The following FLNA variants were observed in gnomAD, a reference collection of about 807,000 sequenced individuals.
The protein encoded by FLNA is filamin A, also known as filamin-A.
In FLNA, 7 loss-of-function variants were observed where a neutral mutation model predicts 157.6. The observed-to-expected ratio is 0.04, with a 90% CI of 0.03 to 0.08. FLNA has a LOEUF of 0.08. Ranked by LOEUF, FLNA falls within the 10% of genes least tolerant of loss-of-function variation. The pLI, the probability that FLNA is intolerant of heterozygous loss-of-function variation, is 1.00. For missense variants in FLNA, 1,750 were observed against 2,398.4 expected (o/e 0.73, Z 5.65); for synonymous variants, 1,103 against 1,060.8 (o/e 1.04, Z -0.77).
chrX:154,357,173 G>A (rs1215385633), intron 30 of FLNA, 78 bp downstream of exon 30: 2 of 990,979 alleles, frequency 2.0e-6, no homozygotes, highest in East Asian at 6.1e-5. Context: ...AACTGTCCTG[G>A]GAATCGGCCC....
intron 14 of FLNA, 31 bp downstream of exon 14, chrX:154,364,228 G>A (rs782193958): frequency 4.1e-6 from 5 of 1,207,784 alleles, no homozygotes; most frequent in Non-Finnish European, 5.6e-6. Flanking sequence ...GCCCACACCT[G>A]CCCTGCCCCC....
At chrX:154,370,406 A>T (rs1230590034) in intron 2 of FLNA, among the ~76,000 whole-genome samples, 1 of 112,259 alleles carries the variant, frequency 8.9e-6, no homozygotes, top group Non-Finnish European at 1.9e-5. Context: ...AAGAGCCCAG[A>T]GCCCCAGACA....
intron 1 of FLNA, among the ~76,000 whole-genome samples, chrX:154,371,842 G>C (rs782331900): frequency 1.7e-3 from 197 of 113,489 alleles, no homozygotes; most frequent in African/African-American, 5.8e-3. Context: ...CGGCATCCCC[G>C]TCCGCCGGCC....
chrX:154,349,111 C>T (rs2067598102), intron 47 of FLNA, 75 bp from the exon 48 acceptor site: 2 of 1,038,526 alleles, frequency 1.9e-6, no homozygotes, highest in Non-Finnish European at 2.6e-6. Context: ...CCTCTCCTGT[C>T]CCTAAGCCAG....
At chrX:154,349,628 A>G (rs1382173548) in intron 46 of FLNA, 21 bp downstream of exon 46, 2 of 1,210,192 alleles carry the variant, frequency 1.7e-6, no homozygotes, top group African/African-American at 1.7e-5. Context: ...GCAGATGCCA[A>G]TAGCTTGGCC....
rs200763980 is a variant in FLNA, at chrX:154,366,777, T to C, written c.942A>G (p.Gly314=). Residue 314 remains glycine, a synonymous_variant, in exon 6 of 48, where the codon GGA becomes GGG. Coordinates refer to ENST00000369850, the MANE Select transcript of FLNA (RefSeq NM_001110556.2). ...FTVETRSAGQ[G]EVLVYVEDPA... ...GGTCCTCCACGTACACCAGCACCTC[T>C]CCCTGGCCAGCACTTCTGGTCTCCA... The C allele has an allele frequency of 2.5e-4, 308 of 1,210,149 alleles. No individual in the cohort carries two copies. In the African/African-American group the frequency reaches 4.8e-3, roughly 19 times the overall value.
rs1603361255 is a variant in FLNA, at chrX:154,360,580, G to A, written c.3215C>T (p.Ala1072Val). ...GCCTCCCTGCAGCCCCGGCCCAAAC[G>A]CCTTCACCTGAGGGAAGAAGGGGTC... The part of the protein sequence containing the change: ...VAPTKPSKVK[A>V]FGPGLQGGSA... The change falls in exon 22 of 48, where the codon GCG becomes GTG. Residue 1072 changes from alanine (A) to valine (V), a missense_variant. Coordinates refer to ENST00000369850, the MANE Select transcript of FLNA (RefSeq NM_001110556.2). 2.5e-6 allele frequency: 3 copies of A among 1,201,672 alleles called. No individual in the cohort carries two copies. Among genetic ancestry groups the A allele is most frequent in the East Asian group, 3.0e-5 (1 of 33,688 alleles).
chrX:154,351,196 C>G, intron 43 of FLNA, 155 bp from the exon 44 acceptor site: 3 of 568,893 alleles, frequency 5.3e-6, no homozygotes, highest in East Asian at 3.6e-5. Context: ...CAAGGGGCAG[C>G]AAGCCACAGG....
At chrX:154,353,499 G>C in intron 36 of FLNA, 42 bp from the exon 37 acceptor site, 1 of 1,211,035 alleles carries the variant, frequency 8.3e-7, no homozygotes, top group Non-Finnish European at 1.1e-6. Flanking sequence ...TCCAGCCATG[G>C]GAGACCATGC....
chrX:154,357,419 A>T lies in FLNA; in HGVS notation c.4945+15T>A. ...CGTGCCGAGCGCCGCAGCGGCCAAC[A>T]GCGGGCGGGCTCACCTGTGACAGTG... On this transcript the variant is annotated intron_variant, in intron 29 of 47. Coordinates refer to ENST00000369850, the MANE Select transcript of FLNA (RefSeq NM_001110556.2). 8.3e-7 allele frequency: 1 copy of T among 1,204,630 alleles called. No individual in the cohort carries two copies. The highest frequency in any genetic ancestry group is 1.1e-6 in the Non-Finnish European group (1 of 890,130).
chrX:154,349,822 C>G lies in FLNA; in HGVS notation c.7379G>C (p.Gly2460Ala). 1 of 1,211,533 alleles carries G rather than the reference C, an allele frequency of 8.3e-7. No homozygotes were observed. Among genetic ancestry groups the G allele is most frequent in the Non-Finnish European group, 1.1e-6 (1 of 895,415 alleles). ...GCCGTCAATGGTCACCGACAGGGCA[C>G]CAGCTCCCGCATTGCTCGTGTTCAC... ...FVVNTSNAGA[G>A]ALSVTIDGPS... Residue 2460 changes from glycine to alanine, a missense_variant, in exon 46 of 48, where the codon GGT becomes GCT. Around this residue, in one of 5 missense-constraint regions of FLNA, gnomAD observed 970 missense variants for 1,302.6 expected, o/e 0.74. Coordinates refer to ENST00000369850, the MANE Select transcript of FLNA (RefSeq NM_001110556.2).
Position 154,366,067 on chromosome X carries a change from G to A in FLNA, c.1386C>T (p.Gly462=), listed in dbSNP as rs781977506. 61 of 1,208,070 alleles carry A rather than the reference G, an allele frequency of 5.0e-5. 1 individual carries two copies. Among genetic ancestry groups the A allele is most frequent in the Non-Finnish European group, 6.5e-5 (58 of 894,572 alleles). Residue 462 remains glycine (G), a synonymous_variant, in exon 9 of 48, where the codon GGC becomes GGT. Transcript: ENST00000369850. ...TGTAGGGGCTGCGAGGGATGGGCAC[G>A]CCGGCAAACGTGACGTGCACGGTGT... ...GVHTVHVTFA[G]VPIPRSPYTV...
chrX:154,352,987 C>T lies in FLNA; in HGVS notation c.6226+14G>A. On this transcript the variant is annotated intron_variant, in intron 38 of 47. Transcript: ENST00000369850. The stretch of plus-strand genomic sequence containing the variant: ...CAGTGCTCCCGCCCCAGCTGGTGGG[C>T]AGCCACTGCCTACCTGCATCGCGGG... The T allele has an allele frequency of 8.3e-7, 1 of 1,210,931 alleles. No homozygotes were observed. Among genetic ancestry groups the T allele is most frequent in the South Asian group, 1.8e-5 (1 of 57,014 alleles).
In FLNA at chrX:154,353,469, A is replaced by G; in HGVS notation, c.5861-12T>C. The G allele has an allele frequency of 3.3e-6, 4 of 1,211,469 alleles. No individual in the cohort carries two copies. The highest frequency in any genetic ancestry group is 3.5e-5 in the African/African-American group (2 of 57,946). ...CATGGAGTCGTCACCTGGTGGGGAC[A>G]GGCCAGCCATCAGTGTGCGTCCAGC... On this transcript the variant is annotated splice_polypyrimidine_tract_variant and intron_variant, in intron 36 of 47. Coordinates refer to ENST00000369850, the MANE Select transcript of FLNA (RefSeq NM_001110556.2).
At chrX:154,368,298 G>A (rs979715877) in intron 2 of FLNA, among the ~76,000 whole-genome samples, 4 of 111,370 alleles carry the variant, frequency 3.6e-5, no homozygotes, top group South Asian at 3.7e-4. Flanking sequence ...TTGGGGTGAG[G>A]GCAGATACAC....
At chrX:154,351,114 G>C in intron 43 of FLNA, 73 bp from the exon 44 acceptor site, 1 of 1,123,643 alleles carries the variant, frequency 8.9e-7, no homozygotes, top group South Asian at 1.8e-5. Flanking sequence ...GGCCCCAGGA[G>C]CAAGAGGCCC....
At position 154,353,954 on chromosome X, in the gene FLNA, G is replaced by A; in HGVS notation, c.5647C>T (p.Pro1883Ser). Residue 1883 changes from proline to serine, a missense_variant, in exon 35 of 48, where the codon CCT (proline) becomes TCT (serine). Physicochemically the swap from Pro to Ser is moderately conservative, Grantham distance 74. Transcript: ENST00000369850. ...PGLTHGVVNK[P>S]ATFTVNTKDA... ...TTGGTGTTGACGGTGAAGGTGGCAG[G>A]CTTGTTCACTACTCCATGGGTGAGG... 1.7e-6 allele frequency: 2 copies of A among 1,211,924 alleles called. No individual in the cohort carries two copies. Among genetic ancestry groups the A allele is most frequent in the Non-Finnish European group, 2.2e-6 (2 of 895,306 alleles).
At position 154,365,230 on chromosome X, in the gene FLNA, G is replaced by C; in HGVS notation, c.1597C>G (p.Leu533Val). The C allele has an allele frequency of 2.5e-6, 3 of 1,211,826 alleles. No individual in the cohort carries two copies. Among genetic ancestry groups the C allele is most frequent in the Non-Finnish European group, 2.2e-6 (2 of 895,441 alleles). ...KGEERVKQKDLGDGVYGFEYY... is the reference protein window; with the variant it reads ...KGEERVKQKDVGDGVYGFEYY... ...TCGAAGCCATACACGCCATCCCCCA[G>C]GTCCTTCTGCTTCACGCGCTCCTCT... is the stretch of plus-strand genomic sequence containing the variant. Residue 533 changes from leucine (L) to valine (V), a missense_variant, in exon 11 of 48, where the codon CTG becomes GTG. Leu to Val is a conservative substitution (Grantham distance 32). This residue lies in a region of FLNA where 648 missense variants were observed against 805.8 expected (regional missense o/e 0.80). Transcript: ENST00000369850.
rs1473151451 is a variant in FLNA, at chrX:154,352,787, C to T, written c.6364G>A (p.Asp2122Asn). 5 of 1,212,011 alleles carry T rather than the reference C, an allele frequency of 4.1e-6. No homozygotes were observed. Among genetic ancestry groups the T allele is most frequent in the East Asian group, 3.0e-5 (1 of 33,871 alleles). Residue 2122 changes from aspartate (D) to asparagine (N), a missense_variant, in exon 39 of 48, where the codon GAC becomes AAC. Physicochemically the swap from Asp to Asn is conservative, Grantham distance 23. Around this residue, in one of 5 missense-constraint regions of FLNA, gnomAD observed 970 missense variants for 1,302.6 expected, o/e 0.74. Coordinates refer to ENST00000369850, the MANE Select transcript of FLNA (RefSeq NM_001110556.2). Reference protein sequence around the residue: ...GNYIINIKFADQHVPGSPFSV... With the variant: ...GNYIINIKFANQHVPGSPFSV... ...CTGCACTCACCAGGCACGTGCTGGT[C>T]GGCAAACTTGATGTTGATGATGTAG...
Sources: gnomAD v4.1 joint callset for allele counts (sites outside exome capture counted in the v4.1 genomes callset) on GRCh38, gnomAD v4.1.1 for gene constraint, gnomAD v4.1.1 regional missense constraint, MANE v1.5 for transcripts, NCBI Gene and HGNC (gene_info 2026-07-23, HGNC 2026-07-21) for gene names.